UBE3A: variants seen among roughly 807,000 people sequenced by gnomAD.
UBE3A encodes ubiquitin protein ligase E3A, also known as ubiquitin-protein ligase E3A.
In UBE3A, 6 loss-of-function variants were observed where a neutral mutation model predicts 83.4. That is an observed-to-expected ratio of 0.07 (90% CI 0.04 to 0.14). The LOEUF is 0.14. Ranked by LOEUF, UBE3A falls within the 10% of genes least tolerant of loss-of-function variation. UBE3A has a pLI of 1.00. For synonymous variants in UBE3A, 337 were observed against 355.4 expected, an observed-to-expected ratio of 0.95 and a Z score of 0.58; for missense variants, 456 against 1,036.1, an observed-to-expected ratio of 0.44 and a Z score of 7.69.
intron 8 of UBE3A, 133 bp from the exon 9 acceptor site, chr15:25,356,189 C>T: frequency 1.8e-6 from 2 of 1,082,964 alleles, no homozygotes; most frequent in Non-Finnish European, 2.8e-6. Flanking sequence ...AGTATCCCTC[C>T]AGTCCCCCAA....
At chr15:25,395,184 G>C (rs556940974) in intron 4 of UBE3A, among the ~76,000 whole-genome samples, 3 of 152,100 alleles carry the variant, frequency 2.0e-5, no homozygotes, top group Non-Finnish European at 4.4e-5. Context: ...GAGCAAGTGC[G>C]GTAGAGAGAT....
chr15:25,392,355 T>G (rs1173622511), intron 4 of UBE3A, among the ~76,000 whole-genome samples: 2 of 152,166 alleles, frequency 1.3e-5, no homozygotes, highest in African/African-American at 4.8e-5. Flanking sequence ...TCTCTGGCTG[T>G]TTTTCAGAGA....
chr15:25,416,778 G>A lies in UBE3A; in HGVS notation c.-164-4807C>T, dbSNP rs111987064. On this transcript the variant is annotated intron_variant, in intron 1 of 12. Transcript: ENST00000648336. ...GCTCCTTCTCAAACGAGAATTTTCA[G>A]ACCTTGGATAACAGGCAGCAGAGGA... Among the ~76,000 whole-genome samples the A allele has an allele frequency of 2.3e-3, 345 of 152,116 alleles. 2 individuals are homozygous for A. The highest frequency in any genetic ancestry group is 0.014 in the Middle Eastern group (4 of 294).
chr15:25,430,839 A>T (rs2153182909), intron 1 of UBE3A, among the ~76,000 whole-genome samples: 1 of 152,262 alleles, frequency 6.6e-6, no homozygotes, highest in South Asian at 2.1e-4. Flanking sequence ...GCTGAGATCC[A>T]TCTATTTTTA....
intron 7 of UBE3A, among the ~76,000 whole-genome samples, chr15:25,357,924 T>G: frequency 1.7e-5 from 2 of 120,690 alleles, no homozygotes; most frequent in East Asian, 5.1e-4. Flanking sequence ...TTTTTTTTTT[T>G]GAGACGGTCT....
chr15:25,407,353 G>C, intron 3 of UBE3A: 1 of 849,650 alleles, frequency 1.2e-6, no homozygotes, highest in Non-Finnish European at 1.5e-6. Context: ...GGGAAAAAAT[G>C]AGGACATGAT....
chr15:25,370,482 T>C lies in UBE3A; in HGVS notation c.1608+84A>G. ...GTTCCTATGCTATATGGTATCATTT[T>C]TTTCAGTCACTTTTAAAATGAATTC... On this transcript the variant is annotated intron_variant, in intron 6 of 12. Transcript: ENST00000648336. This position sits in a 1 kb window ranked among gnomAD's most constrained non-coding sequence, Gnocchi z 4.2. The C allele has an allele frequency of 1.3e-6, 2 of 1,519,676 alleles. No individual in the cohort carries two copies. The highest frequency in any genetic ancestry group is 1.1e-5 in the South Asian group (1 of 88,782). The allele number at this position is 1,519,676 out of a possible 1,614,324, so 94.1% of individuals were successfully genotyped here. A position where few individuals can be genotyped will look rare whatever the true frequency, so the allele number is the denominator to read the frequency against.
At chr15:25,350,550 C>A (rs1043730833) in intron 11 of UBE3A, among the ~76,000 whole-genome samples, 2 of 152,066 alleles carry the variant, frequency 1.3e-5, no homozygotes, top group Non-Finnish European at 2.9e-5. Flanking sequence ...GAGGAAAAGA[C>A]ACTTTTAGTT....
At chr15:25,359,315 GCGT>G (rs2077667444) in intron 7 of UBE3A, among the ~76,000 whole-genome samples, 1 of 152,090 alleles carries the variant, frequency 6.6e-6, no homozygotes, top group African/African-American at 2.4e-5. Context: ...CTCAAAAAGG[GCGT>G]CGTCTTATGT....
chr15:25,361,423 CCTTATT>C (rs2078087421), intron 6 of UBE3A, among the ~76,000 whole-genome samples: 1 of 152,058 alleles, frequency 6.6e-6, no homozygotes, highest in South Asian at 2.1e-4. Context: ...TGCACCCAGC[CCTTATT>C]CTTAAATTGT....
At chr15:25,393,611 A>T (rs2084897133) in intron 4 of UBE3A, 1 of 152,248 alleles carries the variant, frequency 6.6e-6, no homozygotes, top group Non-Finnish European at 1.5e-5. Context: ...CAAAATTCAC[A>T]TGATTATAAA....
rs1189788849 is a variant in UBE3A at position 25,339,092 on chromosome 15, T to A, written c.*45A>T. On this transcript the variant is annotated 3_prime_UTR_variant, in exon 13 of 13. Transcript: ENST00000648336. Reference sequence around the variant, plus strand: ...TTTTAAAATTTTTTAAATTTTTTCTTTTTTTTTCCTTCCTTTTTTTTGTTT... The same window carrying A: ...TTTTAAAATTTTTTAAATTTTTTCTATTTTTTTCCTTCCTTTTTTTTGTTT... The A allele has an allele frequency of 4.0e-6, 6 of 1,483,370 alleles. No homozygotes were observed. In the African/African-American group the frequency reaches 5.7e-5, roughly 14 times the overall value. 91.9% of individuals were successfully genotyped at this position (1,483,370 alleles called of 1,614,324 possible).
chr15:25,360,018 T>C (rs764034215), intron 7 of UBE3A, among the ~76,000 whole-genome samples: 1 of 152,198 alleles, frequency 6.6e-6, no homozygotes, highest in Non-Finnish European at 1.5e-5. Context: ...TTCAAACCAT[T>C]GTTCTTTGAA....
chr15:25,380,460 C>T lies in UBE3A; in HGVS notation c.63-4697G>A, dbSNP rs1403054085. Reference sequence around the variant, plus strand: ...TTATCTCTGCCCTCCAGTGACCCTGCCATCTAATCATTTGGCCTCTTAACT... The same window carrying T: ...TTATCTCTGCCCTCCAGTGACCCTGTCATCTAATCATTTGGCCTCTTAACT... On this transcript the variant is annotated intron_variant, in intron 4 of 12. Transcript: ENST00000648336. Among the ~76,000 whole-genome samples the T allele has an allele frequency of 4.6e-5, 7 of 152,226 alleles. No individual in the cohort carries two copies. The East Asian group carries it at 1.4e-3, about 29-fold the overall frequency.
At position 25,371,067 on chromosome 15, in the gene UBE3A, C is replaced by T. The variant is rs757512212; in HGVS notation, c.1107G>A (p.Ser369=). The change falls in exon 6 of 13, where the codon TCG becomes TCA. Residue 369 remains serine (S), a synonymous_variant. Coordinates refer to ENST00000648336, the MANE Select transcript of UBE3A (RefSeq NM_130839.5). This position sits in a 1 kb window ranked among gnomAD's most constrained non-coding sequence, Gnocchi z 5.3. The part of the protein sequence containing the change: ...VNDDDAIVAA[S]KCLKMVYYAN... ...CATAGTAAACCATTTTCAAGCACTT[C>T]GAAGCAGCAACAATGGCATCATCAT... is the stretch of plus-strand genomic sequence containing the variant. 6 of 1,613,952 alleles carry T rather than the reference C, an allele frequency of 3.7e-6. No individual in the cohort carries two copies. In the Middle Eastern group the frequency reaches 4.9e-4, roughly 133 times the overall value.
intron 4 of UBE3A, among the ~76,000 whole-genome samples, chr15:25,394,499 G>A (rs769202925): frequency 2.0e-5 from 3 of 152,120 alleles, no homozygotes; most frequent in Non-Finnish European, 4.4e-5. Flanking sequence ...TATGTTACTT[G>A]ACCCATAAAT....
chr15:25,429,763 C>T (rs1892510122), intron 1 of UBE3A, among the ~76,000 whole-genome samples: 2 of 151,574 alleles, frequency 1.3e-5, no homozygotes. Context: ...CCAGTGCTTT[C>T]AGAGGTTGAG....
Position 25,339,119 on chromosome 15 carries a change from A to C in UBE3A, c.*18T>G. 7 of 1,429,774 alleles carry C rather than the reference A, an allele frequency of 4.9e-6. No homozygotes were observed. The highest frequency in any genetic ancestry group is 5.5e-6 in the Non-Finnish European group (6 of 1,089,384). 88.6% of individuals were successfully genotyped at this position (1,429,774 alleles called of 1,614,324 possible). On this transcript the variant is annotated 3_prime_UTR_variant, in exon 13 of 13. Coordinates refer to ENST00000648336, the MANE Select transcript of UBE3A (RefSeq NM_130839.5). ...TTTTTTCCTTCCTTTTTTTTGTTTTATTTTGTTTTGTTTTGTTTTACAGCA... is the reference window on the plus strand; with the variant it reads ...TTTTTTCCTTCCTTTTTTTTGTTTTCTTTTGTTTTGTTTTGTTTTACAGCA...
intron 4 of UBE3A, among the ~76,000 whole-genome samples, chr15:25,382,637 C>A (rs2082395497): frequency 6.7e-6 from 1 of 149,950 alleles, no homozygotes. Flanking sequence ...AAAATTTTTG[C>A]AATAGAAAAA....
Sources: gnomAD v4.1 joint callset for allele counts (sites outside exome capture counted in the v4.1 genomes callset) on GRCh38, gnomAD v4.1.1 for gene constraint, Gnocchi (gnomAD v3.1) non-coding constraint, MANE v1.5 for transcripts, NCBI Gene and HGNC (gene_info 2026-07-23, HGNC 2026-07-21) for gene names.